Variants in LINC00305 observed in about 807,000 individuals in gnomAD.
LINC00305 encodes the protein long intergenic non-protein coding RNA 305.
At chr18:64,141,232 A>G (rs1354297563) in intron 1 of LINC00305, among the ~76,000 whole-genome samples, 6 of 152,104 alleles carry the variant, frequency 3.9e-5, no homozygotes, top group African/African-American at 1.4e-4. Context: ...GTATGGACGA[A>G]TAAAGAAAAA....
intron 1 of LINC00305, among the ~76,000 whole-genome samples, chr18:64,137,425 G>C (rs1005386815): frequency 2.6e-5 from 4 of 152,194 alleles, no homozygotes; most frequent in African/African-American, 9.6e-5. Flanking sequence ...TGGCACTTCA[G>C]TTATGAGCTA....
intron 1 of LINC00305, chr18:64,147,062 T>G (rs550832718): frequency 3.9e-4 from 60 of 152,334 alleles, no homozygotes; most frequent in Non-Finnish European, 7.1e-4. Flanking sequence ...TGGAAAGCTG[T>G]ATATTTAGTG....
intron 3 of LINC00305, among the ~76,000 whole-genome samples, chr18:64,082,138 A>T (rs1390433526): frequency 6.6e-6 from 1 of 152,208 alleles, no homozygotes; most frequent in Non-Finnish European, 1.5e-5. Flanking sequence ...CAAAGGTCTC[A>T]AGACAAAATT....
chr18:64,104,418 A>C (rs1180808499), intron 1 of LINC00305, among the ~76,000 whole-genome samples: 1 of 152,196 alleles, frequency 6.6e-6, no homozygotes, highest in Non-Finnish European at 1.5e-5. Flanking sequence ...GGGAGTGTTC[A>C]TTTATGTGTC....
chr18:64,094,777 C>T (rs1172532131), intron 3 of LINC00305, among the ~76,000 whole-genome samples: 2 of 151,924 alleles, frequency 1.3e-5, no homozygotes, highest in Non-Finnish European at 1.5e-5. Context: ...GCAGGAGAAT[C>T]GCTTGAATCC....
chr18:64,101,066 C>A (rs1473020266), intron 1 of LINC00305, among the ~76,000 whole-genome samples: 1 of 152,174 alleles, frequency 6.6e-6, no homozygotes, highest in Non-Finnish European at 1.5e-5. Flanking sequence ...ATCTGAGCAA[C>A]CCCGTCTCTA....
At chr18:64,084,503 C>T (rs1030752970) in intron 3 of LINC00305, among the ~76,000 whole-genome samples, 5 of 152,180 alleles carry the variant, frequency 3.3e-5, no homozygotes, top group African/African-American at 4.8e-5. Context: ...AGTTAAAAAA[C>T]AATGTTGCTG....
intron 1 of LINC00305, among the ~76,000 whole-genome samples, chr18:64,119,192 G>T (rs1023603222): frequency 1.3e-5 from 2 of 152,102 alleles, no homozygotes; most frequent in African/African-American, 4.8e-5. Flanking sequence ...ACTCCTGCGG[G>T]TACAGAATTC....
chr18:64,135,019 T>C (rs946147069), intron 1 of LINC00305, among the ~76,000 whole-genome samples: 3 of 152,204 alleles, frequency 2.0e-5, no homozygotes, highest in African/African-American at 4.8e-5. Flanking sequence ...CTCATGGTTC[T>C]GGAAACTGGA....
intron 1 of LINC00305, among the ~76,000 whole-genome samples, chr18:64,102,768 A>T (rs1004878428): frequency 5.9e-5 from 9 of 152,178 alleles, no homozygotes; most frequent in Non-Finnish European, 1.3e-4. Context: ...GGAGAAAGAG[A>T]GAGAGTGGGG....
At chr18:64,092,113 A>G (rs1377294614) in intron 3 of LINC00305, among the ~76,000 whole-genome samples, 1 of 152,326 alleles carries the variant, frequency 6.6e-6, no homozygotes, top group South Asian at 2.1e-4. Flanking sequence ...AATTTCACCT[A>G]TGTCACCTCC....
At chr18:64,084,194 T>C (rs2051194815) in intron 3 of LINC00305, among the ~76,000 whole-genome samples, 2 of 152,212 alleles carry the variant, frequency 1.3e-5, no homozygotes, top group Admixed American at 1.3e-4. Flanking sequence ...CTGACTGAAT[T>C]TTCTTGTCTC....
chr18:64,100,737 A>T (rs1375564470), intron 1 of LINC00305, among the ~76,000 whole-genome samples: 2 of 151,918 alleles, frequency 1.3e-5, no homozygotes, highest in African/African-American at 4.8e-5. Flanking sequence ...CACTTGAGAG[A>T]CTCGTGCACC....
chr18:64,095,300 G>A (rs542353721), intron 3 of LINC00305, among the ~76,000 whole-genome samples: 1 of 152,276 alleles, frequency 6.6e-6, no homozygotes, highest in African/African-American at 2.4e-5. Flanking sequence ...CAGCCAACAG[G>A]AGGCCTGTGA....
chr18:64,104,560 G>T (rs1255181320), intron 1 of LINC00305, among the ~76,000 whole-genome samples: 1 of 152,200 alleles, frequency 6.6e-6, no homozygotes, highest in Non-Finnish European at 1.5e-5. Flanking sequence ...AATGACAGGG[G>T]ATGTCATAGA....
At chr18:64,137,144 A>T (rs1256016721) in intron 1 of LINC00305, among the ~76,000 whole-genome samples, 1 of 152,172 alleles carries the variant, frequency 6.6e-6, no homozygotes, top group Non-Finnish European at 1.5e-5. Context: ...CTGGACACAC[A>T]GACACAACAA....
At chr18:64,114,784 G>C (rs896492850) in intron 1 of LINC00305, among the ~76,000 whole-genome samples, 2 of 152,202 alleles carry the variant, frequency 1.3e-5, no homozygotes, top group African/African-American at 4.8e-5. Context: ...CCTGACCTCA[G>C]ATGATCCACC....
chr18:64,089,887 G>T lies in LINC00305; in HGVS notation n.540+7947C>A, dbSNP rs2051218334. 5.9e-5 allele frequency among the ~76,000 whole-genome samples: 9 copies of T among 152,296 alleles called. No homozygotes were observed. The South Asian group carries it at 1.9e-3, about 32-fold the overall frequency. On this transcript the variant is annotated intron_variant and non_coding_transcript_variant, in intron 3 of 3. Coordinates refer to ENST00000666468, the Ensembl canonical transcript of LINC00305. ...TAAAAGAACAGCATGGGAAAGACCTGCCCTCATGTTTCAATTACCTCCCAC... is the reference window on the plus strand; with the variant it reads ...TAAAAGAACAGCATGGGAAAGACCTTCCCTCATGTTTCAATTACCTCCCAC...
intron 1 of LINC00305, among the ~76,000 whole-genome samples, chr18:64,128,361 C>CA (rs2051394788): frequency 1.3e-5 from 2 of 152,030 alleles, no homozygotes; most frequent in Admixed American, 1.3e-4. Flanking sequence ...TGCCACCTGT[C>CA]ACCTGTCACC....
Sources: gnomAD v4.1 joint callset for allele counts (sites outside exome capture counted in the v4.1 genomes callset) on GRCh38, gnomAD v4.1.1 for gene constraint, MANE v1.5 for transcripts, NCBI Gene and HGNC (gene_info 2026-07-23, HGNC 2026-07-21) for gene names.